Variants in RARB observed in about 807,000 individuals in gnomAD.
RARB encodes the protein retinoic acid receptor beta.
A neutral mutation model predicts 51.9 loss-of-function variants in RARB; 17 were observed. The ratio of observed to expected loss-of-function variants is 0.33; its 90% confidence interval spans 0.22 to 0.49. The LOEUF is 0.49. RARB is among the 20% of genes least tolerant of loss of function. The probability of loss-of-function intolerance (pLI) is 0.99; values close to 1 mark genes in which losing one functional copy is unlikely to be tolerated. For synonymous variants in RARB, 215 were observed against 195.4 expected, an observed-to-expected ratio of 1.10 and a Z score of -0.84; for missense variants, 369 against 550.8, an observed-to-expected ratio of 0.67 and a Z score of 3.30.
chr3:25,144,058 A>G (rs1700150972), intron 4 of RARB, among the ~76,000 whole-genome samples: 3 of 152,200 alleles, frequency 2.0e-5, no homozygotes, highest in Admixed American at 2.0e-4. Flanking sequence ...ATCAATTTGC[A>G]TTCCTCTTTA....
chr3:25,259,164 T>C lies in RARB; in HGVS notation c.178+84589T>C, dbSNP rs1325388668. On this transcript the variant is annotated intron_variant, in intron 5 of 11. Coordinates refer to the RARB transcript ENST00000383772. Reference sequence around the variant, plus strand: ...TATTTAATAATATAGTAAATAGATATGGTAAAGTAGAGCAAATCCACTGTG... The same window carrying C: ...TATTTAATAATATAGTAAATAGATACGGTAAAGTAGAGCAAATCCACTGTG... The C allele has an allele frequency of 4.9e-6, 4 of 818,586 alleles. No homozygotes were observed. In the African/African-American group the frequency reaches 7.5e-5, roughly 15 times the overall value. The allele number at this position is 818,586 out of a possible 1,614,324, so 50.7% of individuals were successfully genotyped here.
chr3:25,587,700 C>T (rs574492112), intron 5 of RARB, among the ~76,000 whole-genome samples: 3 of 152,284 alleles, frequency 2.0e-5, no homozygotes, highest in South Asian at 2.1e-4. Flanking sequence ...GCACTATATG[C>T]GCTGCGTGTG....
intron 5 of RARB, among the ~76,000 whole-genome samples, chr3:25,379,682 C>G (rs76129294): frequency 0.035 from 5,312 of 152,270 alleles, 121 homozygotes; most frequent in Middle Eastern, 0.065. Context: ...TTGCTACTCT[C>G]AGGGAGATTA....
chr3:24,979,150 C>G (rs188321160), intron 2 of RARB, among the ~76,000 whole-genome samples: 163 of 152,278 alleles, frequency 1.1e-3, no homozygotes, highest in Non-Finnish European at 1.7e-3. Flanking sequence ...CTTACATTTG[C>G]TGAGGAGTGT....
At chr3:25,589,420 G>C (rs376062806) in intron 5 of RARB, among the ~76,000 whole-genome samples, 1 of 152,228 alleles carries the variant, frequency 6.6e-6, no homozygotes, top group African/African-American at 2.4e-5. Flanking sequence ...GAAGCCATTT[G>C]AGGAGTTTTC....
chr3:25,211,984 T>G (rs1463130588), intron 5 of RARB, among the ~76,000 whole-genome samples: 1 of 152,198 alleles, frequency 6.6e-6, no homozygotes, highest in African/African-American at 2.4e-5. Context: ...AAGGTCTATC[T>G]GAAGGAAAAG....
chr3:25,270,163 A>G (rs181944580), intron 5 of RARB, among the ~76,000 whole-genome samples: 4 of 152,332 alleles, frequency 2.6e-5, no homozygotes, highest in East Asian at 3.9e-4. Flanking sequence ...GGTGTTAACT[A>G]GAGACTCAAA....
intron 2 of RARB, among the ~76,000 whole-genome samples, chr3:24,864,726 T>G (rs199723146): frequency 6.6e-6 from 1 of 152,306 alleles, no homozygotes; most frequent in East Asian, 1.9e-4. Context: ...TTAAGTATTT[T>G]TTTTATGCTC....
At chr3:24,957,055 G>T (rs1475884098) in intron 2 of RARB, among the ~76,000 whole-genome samples, 1 of 152,168 alleles carries the variant, frequency 6.6e-6, no homozygotes, top group East Asian at 1.9e-4. Flanking sequence ...GGCTGCCCCT[G>T]GAGAGGAGTA....
At chr3:25,095,699 A>T (rs1461396517) in intron 3 of RARB, among the ~76,000 whole-genome samples, 1 of 152,138 alleles carries the variant, frequency 6.6e-6, no homozygotes, top group Non-Finnish European at 1.5e-5. Context: ...AGGATTTTGG[A>T]ATCTTTCTGG....
chr3:24,838,163 T>A (rs1360362890), intron 1 of RARB, among the ~76,000 whole-genome samples: 1 of 152,222 alleles, frequency 6.6e-6, no homozygotes, highest in East Asian at 1.9e-4. Context: ...TCTATCTTTC[T>A]TCAAAGTCAG....
At chr3:24,831,042 T>C (rs918961696) in intron 1 of RARB, among the ~76,000 whole-genome samples, 1 of 152,138 alleles carries the variant, frequency 6.6e-6, no homozygotes, top group African/African-American at 2.4e-5. Context: ...TGGTTTTAGA[T>C]AGCCTCCTTT....
intron 3 of RARB, among the ~76,000 whole-genome samples, chr3:25,065,212 C>A (rs201675202): frequency 6.6e-6 from 1 of 151,514 alleles, no homozygotes; most frequent in Non-Finnish European, 1.5e-5. Context: ...AAACTCCTTG[C>A]GAACAACCTG....
chr3:24,953,612 G>C (rs1161995920), intron 2 of RARB, among the ~76,000 whole-genome samples: 1 of 152,182 alleles, frequency 6.6e-6, no homozygotes, highest in African/African-American at 2.4e-5. Flanking sequence ...ATGATAGATA[G>C]CTAGATGATA....
At chr3:24,894,486 G>A (rs921795877) in intron 2 of RARB, among the ~76,000 whole-genome samples, 4 of 152,072 alleles carry the variant, frequency 2.6e-5, no homozygotes, top group East Asian at 1.9e-4. Context: ...TAGTGGATAT[G>A]TGCCATATTT....
At chr3:25,346,824 C>T (rs1033482259) in intron 5 of RARB, among the ~76,000 whole-genome samples, 2 of 151,974 alleles carry the variant, frequency 1.3e-5, no homozygotes, top group African/African-American at 2.4e-5. Context: ...ACAGCAAACC[C>T]TCAATTTTTG....
chr3:25,253,269 AAGG>A (rs1395433847), intron 5 of RARB, among the ~76,000 whole-genome samples: 1 of 152,148 alleles, frequency 6.6e-6, no homozygotes, highest in African/African-American at 2.4e-5. Flanking sequence ...ACCTGAAGGA[AAGG>A]AGGGCTGAGT....
At position 25,468,579 on chromosome 3, in the gene RARB, G is replaced by C. The variant is rs533160273; in HGVS notation, c.306+7238G>C. ...TTAAAAAAAACACCCCACTGCTTCA[G>C]CCACACTTAGACAGAAGGTCTGAAG... On this transcript the variant is annotated intron_variant, in intron 2 of 7. Transcript: ENST00000330688. 8.2e-4 allele frequency among the ~76,000 whole-genome samples: 124 copies of C among 152,032 alleles called. 5 individuals are homozygous for C. In the South Asian group the frequency reaches 8.9e-3, roughly 11 times the overall value.
chr3:24,849,600 C>T (rs1278490426), intron 1 of RARB, among the ~76,000 whole-genome samples: 1 of 152,236 alleles, frequency 6.6e-6, no homozygotes, highest in Non-Finnish European at 1.5e-5. Context: ...ATTGAGCTCA[C>T]AGCCAATAGG....
Sources: gnomAD v4.1 joint callset for allele counts (sites outside exome capture counted in the v4.1 genomes callset) on GRCh38, gnomAD v4.1.1 for gene constraint, MANE v1.5 for transcripts, NCBI Gene and HGNC (gene_info 2026-07-23, HGNC 2026-07-21) for gene names.